Variants in VCAN observed in about 807,000 individuals in gnomAD.
The protein encoded by VCAN is versican.
In VCAN, 44 loss-of-function variants were observed where a neutral mutation model predicts 245.5. The observed-to-expected ratio is 0.18, with a 90% CI of 0.14 to 0.23. VCAN has a LOEUF of 0.23. VCAN is among the 10% of genes least tolerant of loss of function. The probability of loss-of-function intolerance (pLI) is 1.00; values close to 1 mark genes in which losing one functional copy is unlikely to be tolerated. For missense variants in VCAN, 3,793 were observed against 4,057.9 expected, an observed-to-expected ratio of 0.93 and a Z score of 1.77; for synonymous variants, 1,413 against 1,437.0, an observed-to-expected ratio of 0.98 and a Z score of 0.38.
rs1744919393 is a variant in VCAN at position 83,489,976 on chromosome 5, AT to A, written c.71-120del. ...ATTCTCTTTATATAAAGTCATTCTA[AT>A]TATGTCACATGTTGAAGATGTAACC... On this transcript the variant is annotated intron_variant, in intron 2 of 14. Coordinates refer to ENST00000265077, the MANE Select transcript of VCAN (RefSeq NM_004385.5). The A allele has an allele frequency of 3.1e-6, 3 of 976,992 alleles. No homozygotes were observed. In the East Asian group the frequency reaches 7.8e-5, roughly 25 times the overall value. 60.5% of individuals were successfully genotyped at this position (976,992 alleles called of 1,614,324 possible).
rs1301109992 is a variant in VCAN, at chr5:83,539,119, C to T, written c.6116C>T (p.Ser2039Phe). The T allele has an allele frequency of 1.2e-6, 2 of 1,613,816 alleles. No individual in the cohort carries two copies. The highest frequency in any genetic ancestry group is 1.7e-6 in the Non-Finnish European group (2 of 1,179,984). The stretch of plus-strand genomic sequence containing the variant: ...CAAAAGTTTTCTGGTACAGCTTCCT[C>T]CATTATCGACGAAGGATTGGGAGAA... Reference protein sequence around the residue: ...AVQKFSGTASSIIDEGLGEVG... With the variant: ...AVQKFSGTASFIIDEGLGEVG... The change falls in exon 8 of 15, where the codon TCC (serine) becomes TTC (phenylalanine). Residue 2039 changes from serine to phenylalanine, a missense_variant. Ser to Phe is a radical substitution (Grantham distance 155, BLOSUM62 -2). This residue lies in a region of VCAN where 3,182 missense variants were observed against 3,250.3 expected (regional missense o/e 0.98). Coordinates refer to ENST00000265077, the MANE Select transcript of VCAN (RefSeq NM_004385.5).
chr5:83,533,675 G>A (rs1443634236), intron 7 of VCAN, among the ~76,000 whole-genome samples: 1 of 152,070 alleles, frequency 6.6e-6, no homozygotes, highest in Non-Finnish European at 1.5e-5. Context: ...TCTCTGAAAT[G>A]CTTATACTGC....
At chr5:83,547,034 T>C (rs1198228528) in intron 9 of VCAN, among the ~76,000 whole-genome samples, 2 of 152,102 alleles carry the variant, frequency 1.3e-5, no homozygotes, top group African/African-American at 4.8e-5. Context: ...GAGGGAGATA[T>C]GGACACAACA....
chr5:83,473,403 G>C (rs1484550591), intron 1 of VCAN, among the ~76,000 whole-genome samples: 1 of 152,196 alleles, frequency 6.6e-6, no homozygotes, highest in East Asian at 1.9e-4. Flanking sequence ...CGCCTGGAGA[G>C]TTGTCCTGCC....
chr5:83,497,532 G>A (rs1011873747), intron 5 of VCAN, among the ~76,000 whole-genome samples: 1 of 152,076 alleles, frequency 6.6e-6, no homozygotes, highest in African/African-American at 2.4e-5. Flanking sequence ...ATATCAGCTC[G>A]TGTTCTTAGA....
Position 83,540,570 on chromosome 5 carries a change from C to A in VCAN, c.7567C>A (p.Arg2523Ser). 1.2e-6 allele frequency: 2 copies of A among 1,613,810 alleles called. No homozygotes were observed. Among genetic ancestry groups the A allele is most frequent in the Non-Finnish European group, 1.7e-6 (2 of 1,179,928 alleles). ...ERSTDGSFQD[R>S]FREFEDSTLK... Reference sequence around the variant, plus strand: ...GTCCACAGACGGTAGTTTCCAAGACCGTTTCAGGGAATTCGAGGATTCCAC... The same window carrying A: ...GTCCACAGACGGTAGTTTCCAAGACAGTTTCAGGGAATTCGAGGATTCCAC... Residue 2523 changes from arginine to serine, a missense_variant, in exon 8 of 15, where the codon CGT becomes AGT. Physicochemically the swap from Arg to Ser is moderately radical, Grantham distance 110. Around this residue, in one of 5 missense-constraint regions of VCAN, gnomAD observed 3,182 missense variants for 3,250.3 expected, o/e 0.98. Transcript: ENST00000265077.
In VCAN at chr5:83,522,040, C is replaced by G. The variant is rs199975201; in HGVS notation, c.3734C>G (p.Thr1245Ser). The G allele has an allele frequency of 1.9e-6, 3 of 1,614,164 alleles. No individual in the cohort carries two copies. The change falls in exon 7 of 15, where the codon ACC becomes AGC. Residue 1245 changes from threonine to serine, a missense_variant. Around this residue, in one of 5 missense-constraint regions of VCAN, gnomAD observed 3,182 missense variants for 3,250.3 expected, o/e 0.98. Transcript: ENST00000265077. ...GACAGGGAACCTGGTGAAGAAACAA[C>G]CAGTGACATGGTAATCATTGGAGAA... ...LIDREPGEET[T>S]SDMVIIGEST...
At chr5:83,474,439 G>C (rs1396265106) in intron 1 of VCAN, among the ~76,000 whole-genome samples, 1 of 152,226 alleles carries the variant, frequency 6.6e-6, no homozygotes, top group South Asian at 2.1e-4. Flanking sequence ...GGCGTGCCGG[G>C]ATGGAAGGGT....
At chr5:83,557,995 A>T (rs903824851) in intron 12 of VCAN, among the ~76,000 whole-genome samples, 2 of 152,166 alleles carry the variant, frequency 1.3e-5, no homozygotes, top group Non-Finnish European at 2.9e-5. Flanking sequence ...TGTAAAATAA[A>T]AGTGTGCTAA....
chr5:83,555,042 A>G lies in VCAN; in HGVS notation c.9735+4A>G. On this transcript the variant is annotated splice_donor_region_variant and intron_variant, in intron 12 of 14. Transcript: ENST00000265077. ...TTGGACTGATGGCAGCACACTGGTA[A>G]GATGCCCTTGAAAATGATGTCAAGT... The G allele has an allele frequency of 6.2e-7, 1 of 1,613,386 alleles. No individual in the cohort carries two copies. Among genetic ancestry groups the G allele is most frequent in the Non-Finnish European group, 8.5e-7 (1 of 1,179,462 alleles).
At chr5:83,502,312 G>A (rs943051782) in intron 5 of VCAN, among the ~76,000 whole-genome samples, 1 of 152,018 alleles carries the variant, frequency 6.6e-6, no homozygotes, top group African/African-American at 2.4e-5. Flanking sequence ...TTCATGTCAG[G>A]GTCTCCTGGA....
chr5:83,484,341 C>T (rs574205232), intron 2 of VCAN, among the ~76,000 whole-genome samples: 10 of 152,050 alleles, frequency 6.6e-5, no homozygotes, highest in African/African-American at 2.4e-4. Context: ...ATCTATTCAT[C>T]CATCCATACC....
intron 8 of VCAN, among the ~76,000 whole-genome samples, chr5:83,543,004 G>A (rs1447442377): frequency 1.3e-5 from 2 of 152,270 alleles, no homozygotes; most frequent in Non-Finnish European, 2.9e-5. Flanking sequence ...AGAGGTGAAG[G>A]TTCAGAGAGG....
intron 13 of VCAN, among the ~76,000 whole-genome samples, chr5:83,577,631 A>T (rs1055085243): frequency 2.6e-5 from 4 of 152,196 alleles, no homozygotes; most frequent in African/African-American, 9.6e-5. Context: ...TCCTGAAGTC[A>T]TAAAGATATT....
intron 3 of VCAN, 83 bp from the exon 4 acceptor site, chr5:83,493,463 G>T: frequency 6.5e-7 from 1 of 1,546,638 alleles, no homozygotes; most frequent in South Asian, 1.1e-5. Flanking sequence ...CAACTAAGTT[G>T]ATACATTGCT....
At chr5:83,550,743 C>A (rs955940170) in intron 10 of VCAN, among the ~76,000 whole-genome samples, 1 of 151,764 alleles carries the variant, frequency 6.6e-6, no homozygotes, top group Non-Finnish European at 1.5e-5. Flanking sequence ...AAAAATTAGC[C>A]GGGTGTGGTG....
rs201280939 is a variant in VCAN at position 83,540,132 on chromosome 5, A to G, written c.7129A>G (p.Ile2377Val). The G allele has an allele frequency of 1.0e-4, 162 of 1,613,870 alleles. No individual in the cohort carries two copies. Among genetic ancestry groups the G allele is most frequent in the Non-Finnish European group, 1.3e-4 (155 of 1,179,986 alleles). The change falls in exon 8 of 15, where the codon ATA becomes GTA. Residue 2377 changes from isoleucine (I) to valine (V), a missense_variant. Ile to Val is a conservative substitution (Grantham distance 29, BLOSUM62 3). Around this residue, in one of 5 missense-constraint regions of VCAN, gnomAD observed 3,182 missense variants for 3,250.3 expected, o/e 0.98. Transcript: ENST00000265077. Reference protein sequence around the residue: ...EEIQTSRPQTITEQDSNKNSS... With the variant: ...EEIQTSRPQTVTEQDSNKNSS... The stretch of plus-strand genomic sequence containing the variant: ...AATCCAGACTAGTAGACCACAAACC[A>G]TAACTGAACAAGACTCTAACAAGAA...
intron 12 of VCAN, among the ~76,000 whole-genome samples, chr5:83,555,254 G>A (rs1747627008): frequency 6.6e-6 from 1 of 152,140 alleles, no homozygotes; most frequent in South Asian, 2.1e-4. Flanking sequence ...CAAAAGAGGA[G>A]TGTACCAGAT....
In VCAN at chr5:83,547,907, C is replaced by T. The variant is rs150575542; in HGVS notation, c.9380-64C>T. The T allele has an allele frequency of 4.3e-6, 5 of 1,173,358 alleles. No individual in the cohort carries two copies. In the Admixed American group the frequency reaches 8.5e-5, roughly 20 times the overall value. 72.7% of individuals were successfully genotyped at this position (1,173,358 alleles called of 1,614,324 possible). ...TCTTGTATGTTATCTTGCAACCTCACACTAAATGGAATTCTTTGATACTTT... is the reference window on the plus strand; with the variant it reads ...TCTTGTATGTTATCTTGCAACCTCATACTAAATGGAATTCTTTGATACTTT... On this transcript the variant is annotated intron_variant, in intron 9 of 14. Coordinates refer to ENST00000265077, the MANE Select transcript of VCAN (RefSeq NM_004385.5).
Sources: gnomAD v4.1 joint callset for allele counts (sites outside exome capture counted in the v4.1 genomes callset) on GRCh38, gnomAD v4.1.1 for gene constraint, gnomAD v4.1.1 regional missense constraint, MANE v1.5 for transcripts, NCBI Gene and HGNC (gene_info 2026-07-23, HGNC 2026-07-21) for gene names.